Variants in ZBBX observed in about 807,000 individuals in gnomAD.
ZBBX encodes the protein zinc finger B-box domain containing.
In ZBBX, 101 loss-of-function variants were observed where a neutral mutation model predicts 108.5. That is an observed-to-expected ratio of 0.93 (90% CI 0.79 to 1.10). The LOEUF (loss-of-function observed/expected upper bound fraction) is 1.10. Among genes scored for constraint, ZBBX ranks in the 50% least tolerant of loss-of-function variants. ZBBX has a pLI of 0.00. For synonymous variants in ZBBX, 356 were observed against 323.4 expected (o/e 1.10, Z -1.08); for missense variants, 1,009 against 941.4 (o/e 1.07, Z -0.94).
chr3:167,214,039 C>T, the ZBBX span, among the ~76,000 whole-genome samples: 15 of 152,228 alleles, frequency 9.9e-5, no homozygotes, highest in Admixed American at 9.2e-4. Context: ...GAAAGAAGCA[C>T]TAAATGTAGA....
chr3:167,207,803 C>T, the ZBBX span, among the ~76,000 whole-genome samples: 2 of 152,136 alleles, frequency 1.3e-5, no homozygotes, highest in African/African-American at 4.8e-5. Context: ...CCCCACAGAA[C>T]AGCAAGTTGA....
At chr3:167,287,038 A>C (rs993561717) in intron 19 of ZBBX, among the ~76,000 whole-genome samples, 1 of 152,020 alleles carries the variant, frequency 6.6e-6, no homozygotes, top group Non-Finnish European at 1.5e-5. Context: ...GACTCAACTG[A>C]ATGTTACCTA....
chr3:167,326,603 T>C (rs1737417706), intron 11 of ZBBX, among the ~76,000 whole-genome samples: 1 of 151,900 alleles, frequency 6.6e-6, no homozygotes, highest in South Asian at 2.1e-4. Flanking sequence ...TAATTAGTAC[T>C]TTTCAGAGTT....
At chr3:167,242,108 AACTT>A (rs1195770270) in intron 21 of ZBBX, among the ~76,000 whole-genome samples, 2 of 152,176 alleles carry the variant, frequency 1.3e-5, no homozygotes, top group Non-Finnish European at 2.9e-5. Context: ...TCAAGAAAGA[AACTT>A]ACTATTTGAT....
downstream of ZBBX, among the ~76,000 whole-genome samples, chr3:167,236,116 A>G (rs1389187597): frequency 6.6e-6 from 1 of 151,768 alleles, no homozygotes; most frequent in Non-Finnish European, 1.5e-5. Flanking sequence ...TTCTGGTAAA[A>G]TTTTAGTATT....
chr3:167,219,058 T>C, the ZBBX span, among the ~76,000 whole-genome samples: 9 of 152,052 alleles, frequency 5.9e-5, no homozygotes, highest in East Asian at 7.7e-4. Context: ...CATTATATAA[T>C]GATGAAGGGG....
the ZBBX span, among the ~76,000 whole-genome samples, chr3:167,233,271 T>C: frequency 1.3e-5 from 2 of 151,858 alleles, no homozygotes; most frequent in Admixed American, 6.6e-5. Flanking sequence ...TAGGCTACCA[T>C]GTTGCCTGGC....
intron 9 of ZBBX, among the ~76,000 whole-genome samples, chr3:167,349,683 A>G (rs1742305597): frequency 6.6e-6 from 1 of 152,054 alleles, no homozygotes; most frequent in Admixed American, 6.6e-5. Flanking sequence ...AATTAGGAGT[A>G]GGATCCTACC....
chr3:167,212,083 C>T, the ZBBX span, among the ~76,000 whole-genome samples: 16 of 152,216 alleles, frequency 1.1e-4, no homozygotes, highest in African/African-American at 3.9e-4. Context: ...GACTTTGGGC[C>T]AACAACAGGT....
chr3:167,298,482 T>C, intron 17 of ZBBX, 24 bp from the exon 18 acceptor site: 2 of 1,433,144 alleles, frequency 1.4e-6, no homozygotes, highest in Non-Finnish European at 1.9e-6. Context: ...TATTCAACAA[T>C]ATTATTTTCT....
At chr3:167,330,095 G>T (rs1305017156) in intron 10 of ZBBX, among the ~76,000 whole-genome samples, 2 of 152,132 alleles carry the variant, frequency 1.3e-5, no homozygotes, top group East Asian at 3.9e-4. Flanking sequence ...GTGGAAGATA[G>T]ATTTTTAAAA....
At chr3:167,330,425 T>G (rs563647784) in intron 10 of ZBBX, among the ~76,000 whole-genome samples, 6 of 152,144 alleles carry the variant, frequency 3.9e-5, no homozygotes, top group Non-Finnish European at 7.3e-5. Context: ...GGAGCCTATA[T>G]GGGACATGAT....
At chr3:167,215,755 G>A in the ZBBX span, among the ~76,000 whole-genome samples, 2 of 152,072 alleles carry the variant, frequency 1.3e-5, no homozygotes, top group Non-Finnish European at 2.9e-5. Context: ...ACTGAATCCA[G>A]CAGCGCATCA....
intron 8 of ZBBX, among the ~76,000 whole-genome samples, chr3:167,352,205 G>C (rs1383733348): frequency 6.6e-6 from 1 of 151,786 alleles, no homozygotes; most frequent in East Asian, 1.9e-4. Flanking sequence ...TGAAAAATTG[G>C]GTCTTTGAAA....
chr3:167,214,704 A>G, the ZBBX span, among the ~76,000 whole-genome samples: 1 of 152,174 alleles, frequency 6.6e-6, no homozygotes, highest in African/African-American at 2.4e-5. Context: ...TCATCATCAC[A>G]TGGCACATAC....
chr3:167,242,449 C>A lies in ZBBX; in HGVS notation c.2393+56G>T, dbSNP rs1208740368. ...ATATAATAAAGATAACTAGTTGGAG[C>A]TTGTCAAAATTTTACTACATACTAT... On this transcript the variant is annotated intron_variant, in intron 21 of 21. Transcript: ENST00000675490. 5 of 1,433,030 alleles carry A rather than the reference C, an allele frequency of 3.5e-6. No homozygotes were observed. The East Asian group carries it at 9.4e-5, about 27-fold the overall frequency. The allele number at this position is 1,433,030 out of a possible 1,614,324, so 88.8% of individuals were successfully genotyped here.
chr3:167,237,912 A>G (rs1400864489), downstream of ZBBX, among the ~76,000 whole-genome samples: 3 of 151,984 alleles, frequency 2.0e-5, no homozygotes, highest in Non-Finnish European at 4.4e-5. Context: ...GACTCAAGCT[A>G]TGGCTGAATA....
At chr3:167,371,343 A>T in intron 4 of ZBBX, among the ~76,000 whole-genome samples, 2 of 152,174 alleles carry the variant, frequency 1.3e-5, no homozygotes, top group East Asian at 3.8e-4. Context: ...GTGTCTTTGC[A>T]TAAGTTTCAC....
chr3:167,291,338 A>G (rs1730661259), intron 18 of ZBBX, among the ~76,000 whole-genome samples: 1 of 152,108 alleles, frequency 6.6e-6, no homozygotes, highest in South Asian at 2.1e-4. Flanking sequence ...AGGGAGGCCC[A>G]TCAGACTAAC....
Sources: gnomAD v4.1 joint callset for allele counts (sites outside exome capture counted in the v4.1 genomes callset) on GRCh38, gnomAD v4.1.1 for gene constraint, MANE v1.5 for transcripts, NCBI Gene and HGNC (gene_info 2026-07-23, HGNC 2026-07-21) for gene names.